NEO1: variants seen among roughly 807,000 people sequenced by gnomAD.
NEO1 encodes the protein neogenin 1, also known as neogenin.
Under a neutral mutation model 159.7 loss-of-function variants are expected in NEO1, and 63 were observed. The ratio of observed to expected loss-of-function variants is 0.39; its 90% CI spans 0.32 to 0.49. The LOEUF (loss-of-function observed/expected upper bound fraction) is 0.49, where lower values mean the gene tolerates loss of function less well. Among genes scored for constraint, NEO1 ranks in the 20% least tolerant of loss-of-function variants. The pLI is 0.85. For synonymous variants in NEO1, 633 were observed against 662.0 expected (o/e 0.96, Z 0.67); for missense variants, 1,615 against 1,831.0 (o/e 0.88, Z 2.15).
intron 1 of NEO1, among the ~76,000 whole-genome samples, chr15:73,081,654 T>C (rs1382517539): frequency 1.3e-5 from 2 of 151,852 alleles, no homozygotes; most frequent in East Asian, 3.9e-4. Context: ...CAGCTCACTG[T>C]AGCCTCGACC....
chr15:73,141,274 C>G (rs2032361300), intron 5 of NEO1, among the ~76,000 whole-genome samples: 1 of 152,056 alleles, frequency 6.6e-6, no homozygotes, highest in South Asian at 2.1e-4. Flanking sequence ...GAAGTTATAG[C>G]TATAGGAAAT....
At chr15:73,253,948 G>A (rs2040211798) in intron 12 of NEO1, among the ~76,000 whole-genome samples, 1 of 152,180 alleles carries the variant, frequency 6.6e-6, no homozygotes. Flanking sequence ...AGTTTGCTGT[G>A]TTCTTAGGGG....
chr15:73,244,227 G>C (rs1254464509), intron 8 of NEO1, 117 bp from the exon 9 acceptor site: 6 of 1,192,442 alleles, frequency 5.0e-6, no homozygotes, highest in Non-Finnish European at 5.7e-6. Flanking sequence ...AAGCTTCATT[G>C]TTTGAGAGCT....
chr15:73,136,828 C>T (rs552200963), intron 5 of NEO1, among the ~76,000 whole-genome samples: 294 of 152,222 alleles, frequency 1.9e-3, no homozygotes, highest in African/African-American at 6.9e-3. Flanking sequence ...GACCAAAGGT[C>T]ACTTTTCTAC....
chr15:73,288,201 G>T, intron 23 of NEO1, 112 bp from the exon 24 acceptor site: 1 of 950,850 alleles, frequency 1.1e-6, no homozygotes, highest in Non-Finnish European at 1.6e-6. Flanking sequence ...TTTAGTTTTT[G>T]CTTTTTTTGC....
intron 7 of NEO1, among the ~76,000 whole-genome samples, chr15:73,188,326 A>C (rs2036049059): frequency 6.6e-6 from 1 of 152,230 alleles, no homozygotes; most frequent in South Asian, 2.1e-4. Context: ...AAATGTCTAA[A>C]TGTGTATATA....
chr15:73,293,957 T>G (rs187336935), intron 26 of NEO1, among the ~76,000 whole-genome samples: 1 of 152,172 alleles, frequency 6.6e-6, no homozygotes, highest in Non-Finnish European at 1.5e-5. Flanking sequence ...AGGTTAACTG[T>G]TACATACAGG....
chr15:73,069,951 T>G (rs575915887), intron 1 of NEO1, among the ~76,000 whole-genome samples: 151 of 152,180 alleles, frequency 9.9e-4, no homozygotes, highest in African/African-American at 3.4e-3. Context: ...TTTGACAGAT[T>G]GAGTATAGTA....
At chr15:73,301,548 C>T in intron 28 of NEO1, 91 bp downstream of exon 28, 2 of 1,531,774 alleles carry the variant, frequency 1.3e-6, no homozygotes, top group South Asian at 2.4e-5. Flanking sequence ...TCTGTGCATA[C>T]CAGGCCCGCC....
intron 11 of NEO1, among the ~76,000 whole-genome samples, chr15:73,252,187 T>C (rs529430048): frequency 1.3e-5 from 2 of 152,324 alleles, no homozygotes; most frequent in Non-Finnish European, 2.9e-5. Flanking sequence ...CAGTGGGCAC[T>C]TAGTTGTATA....
At chr15:73,205,956 G>A (rs903940594) in intron 7 of NEO1, among the ~76,000 whole-genome samples, 2 of 151,622 alleles carry the variant, frequency 1.3e-5, no homozygotes, top group African/African-American at 2.4e-5. Context: ...AGCCCAAGCT[G>A]GAGTGCAGTG....
intron 7 of NEO1, among the ~76,000 whole-genome samples, chr15:73,221,186 G>T (rs1259557445): frequency 3.9e-5 from 6 of 152,182 alleles, no homozygotes; most frequent in African/African-American, 1.4e-4. Flanking sequence ...TTTGCTAGAG[G>T]TCCACTCCAG....
chr15:73,202,607 A>G (rs894947970), intron 7 of NEO1, among the ~76,000 whole-genome samples: 2 of 152,164 alleles, frequency 1.3e-5, no homozygotes, highest in Non-Finnish European at 2.9e-5. Flanking sequence ...TTCTCCTGCT[A>G]ATATTTTCCC....
Position 73,254,673 on chromosome 15 carries a change from C to G in NEO1, c.1945-9C>G. 1 of 1,602,112 alleles carries G rather than the reference C, an allele frequency of 6.2e-7. No individual in the cohort carries two copies. The highest frequency in any genetic ancestry group is 8.5e-7 in the Non-Finnish European group (1 of 1,176,298). The stretch of plus-strand genomic sequence containing the variant: ...TTCAGCCTTTTTTCTATAATTCTGT[C>G]TTGTGCAGAGTATTATGATTCACTG... On this transcript the variant is annotated splice_polypyrimidine_tract_variant and intron_variant, in intron 12 of 28. Transcript: ENST00000261908.
At chr15:73,238,874 G>A (rs1346721958) in intron 8 of NEO1, among the ~76,000 whole-genome samples, 2 of 151,380 alleles carry the variant, frequency 1.3e-5, no homozygotes, top group African/African-American at 4.9e-5. Context: ...TGGAGACAAA[G>A]GTCTCGCTGG....
intron 1 of NEO1, among the ~76,000 whole-genome samples, chr15:73,081,616 C>T (rs2069050591): frequency 6.6e-6 from 1 of 151,846 alleles, no homozygotes; most frequent in Admixed American, 6.6e-5. Context: ...CTCACTGTCA[C>T]CCAGACTGGA....
chr15:73,232,967 T>G (rs1305797319), intron 7 of NEO1, among the ~76,000 whole-genome samples: 1 of 152,220 alleles, frequency 6.6e-6, no homozygotes, highest in Non-Finnish European at 1.5e-5. Flanking sequence ...CAGATGCTTC[T>G]CAGCTTGTTA....
In NEO1 at chr15:73,253,391, T is replaced by TC. The variant is rs763478950; in HGVS notation, c.1895-9_1895-8insC. 1.3e-5 allele frequency: 20 copies of TC among 1,509,838 alleles called. No homozygotes were observed. Among genetic ancestry groups the TC allele is most frequent in the Admixed American group, 6.2e-5 (3 of 48,226 alleles). The allele number at this position is 1,509,838 out of a possible 1,614,324, so 93.5% of individuals were successfully genotyped here. On this transcript the variant is annotated splice_polypyrimidine_tract_variant and intron_variant, in intron 11 of 28. Transcript: ENST00000261908. ...AAAAAAAATTTTTTTTTTTTTTTTG[T>TC]TTCTCTAGTTCCCAGTGCTGCTCCT...
chr15:73,260,499 G>T, intron 15 of NEO1, 34 bp downstream of exon 15: 2 of 1,454,566 alleles, frequency 1.4e-6, no homozygotes, highest in South Asian at 3.1e-5. Context: ...TTAATTGTGT[G>T]GGAGATTCCT....
Sources: allele counts gnomAD v4.1 joint callset (sites outside exome capture counted in the v4.1 genomes callset), GRCh38; gene constraint gnomAD v4.1.1; transcripts MANE v1.5; gene names NCBI Gene and HGNC (gene_info 2026-07-23, HGNC 2026-07-21).